The following ASTN2 variants were observed in gnomAD, a reference collection of about 807,000 sequenced individuals.
ASTN2 encodes the protein astrotactin-2.
In ASTN2, 54 loss-of-function variants were observed where a neutral mutation model predicts 139.8. That is an observed-to-expected ratio of 0.39 (90% CI 0.31 to 0.48). The LOEUF is 0.48. Among genes scored for constraint, ASTN2 ranks in the 20% least tolerant of loss-of-function variants. The probability of loss-of-function intolerance (pLI) is 0.95; values close to 1 mark genes in which losing one functional copy is unlikely to be tolerated. For synonymous variants in ASTN2, 756 were observed against 719.5 expected (o/e 1.05, Z -0.81); for missense variants, 1,565 against 1,725.1 (o/e 0.91, Z 1.64).
At chr9:116,796,747 A>G (rs551586499) in intron 13 of ASTN2, among the ~76,000 whole-genome samples, 3 of 152,328 alleles carry the variant, frequency 2.0e-5, no homozygotes, top group Admixed American at 1.3e-4. Flanking sequence ...GATCTATTAC[A>G]TAGTATAGTC....
chr9:116,706,753 G>A lies in ASTN2; in HGVS notation c.2806+19018C>T, dbSNP rs532899188. Among the ~76,000 whole-genome samples, 13 of 142,290 alleles carry A rather than the reference G, an allele frequency of 9.1e-5. No homozygotes were observed. In the South Asian group the frequency reaches 2.4e-3, roughly 26 times the overall value. 93.3% of individuals were successfully genotyped at this position (142,290 alleles called of 152,430 possible). On this transcript the variant is annotated intron_variant, in intron 16 of 22. Transcript: ENST00000313400. ...TTTAGTTTGCTAACTGACTCTTGCT[G>A]GCTAGAATTTTTTTTTTTTTTTTTT...
At chr9:117,365,625 C>T (rs1055022119) in intron 1 of ASTN2, among the ~76,000 whole-genome samples, 2 of 152,170 alleles carry the variant, frequency 1.3e-5, no homozygotes, top group Non-Finnish European at 2.9e-5. Flanking sequence ...GTTATGTGAG[C>T]CATCCCAGTA....
intron 7 of ASTN2, among the ~76,000 whole-genome samples, chr9:117,005,716 C>T (rs957500819): frequency 2.0e-5 from 3 of 151,838 alleles, no homozygotes; most frequent in African/African-American, 7.3e-5. Context: ...TGACCCATAT[C>T]CTATTCCCCA....
At position 116,620,454 on chromosome 9, in the gene ASTN2, A is replaced by G. The variant is rs1856078696; in HGVS notation, c.3073-11T>C. On this transcript the variant is annotated splice_polypyrimidine_tract_variant and intron_variant, in intron 17 of 22. Transcript: ENST00000313400. ...TGCACTCTTGAAGGCCTGGACAAAA[A>G]AAGAGGACAGAATAGACAATGATGA... The G allele has an allele frequency of 6.2e-7, 1 of 1,614,074 alleles. No homozygotes were observed. Among genetic ancestry groups the G allele is most frequent in the African/African-American group, 1.3e-5 (1 of 75,042 alleles).
chr9:116,653,116 G>T (rs1455976119), intron 16 of ASTN2, among the ~76,000 whole-genome samples: 1 of 152,206 alleles, frequency 6.6e-6, no homozygotes, highest in Non-Finnish European at 1.5e-5. Context: ...AGGGGCCATG[G>T]CTCCCATTCC....
intron 17 of ASTN2, among the ~76,000 whole-genome samples, chr9:116,651,212 C>T (rs1857895148): frequency 6.6e-6 from 1 of 151,918 alleles, no homozygotes; most frequent in Admixed American, 6.6e-5. Flanking sequence ...CCACCATGCC[C>T]AGCCTGCACT....
At chr9:117,120,018 G>A (rs4342688) in intron 4 of ASTN2, among the ~76,000 whole-genome samples, 3,566 of 45,656 alleles carry the variant, frequency 0.078, 298 homozygotes, top group East Asian at 0.18. Flanking sequence ...GTGTGTGTGT[G>A]TATATATATA....
Position 116,423,521 on chromosome 9 carries a change from G to A in ASTN2, c.*2330C>T, listed in dbSNP as rs907073021. ...TGGGTCAAGACAATGGAAAGCAACA[G>A]CAACCTGATAGCTCTCTGAAAACTT... On this transcript the variant is annotated 3_prime_UTR_variant, in exon 23 of 23. Coordinates refer to ENST00000313400, the MANE Select transcript of ASTN2 (RefSeq NM_001365068.1). 1.3e-5 allele frequency among the ~76,000 whole-genome samples: 2 copies of A among 152,204 alleles called. No homozygotes were observed. The highest frequency in any genetic ancestry group is 6.5e-5 in the Admixed American group (1 of 15,286).
At chr9:116,736,403 T>C (rs1225672393) in intron 13 of ASTN2, among the ~76,000 whole-genome samples, 1 of 152,188 alleles carries the variant, frequency 6.6e-6, no homozygotes, top group Non-Finnish European at 1.5e-5. Flanking sequence ...TCATGGTAGA[T>C]GTCTTCAAAA....
intron 19 of ASTN2, among the ~76,000 whole-genome samples, chr9:116,540,205 T>C (rs1851820342): frequency 6.6e-6 from 1 of 152,202 alleles, no homozygotes; most frequent in Non-Finnish European, 1.5e-5. Context: ...CTCTGAGATA[T>C]TCTAGTTCTA....
intron 10 of ASTN2, among the ~76,000 whole-genome samples, chr9:116,899,851 T>C (rs1392275205): frequency 1.3e-5 from 2 of 152,074 alleles, no homozygotes; most frequent in South Asian, 2.1e-4. Flanking sequence ...AACCTAAGAT[T>C]GGTATTTGAG....
intron 13 of ASTN2, among the ~76,000 whole-genome samples, chr9:116,761,953 G>T (rs1430087447): frequency 6.6e-6 from 1 of 152,154 alleles, no homozygotes; most frequent in Non-Finnish European, 1.5e-5. Flanking sequence ...ACACTCTGTG[G>T]GTGCTGGCGA....
intron 16 of ASTN2, among the ~76,000 whole-genome samples, chr9:116,655,187 T>G (rs1858140138): frequency 6.6e-6 from 1 of 152,248 alleles, no homozygotes; most frequent in Admixed American, 6.5e-5. Flanking sequence ...GACTGTGTCA[T>G]GCCTAAGTTA....
chr9:117,105,826 A>G (rs372678824), intron 4 of ASTN2, among the ~76,000 whole-genome samples: 2 of 152,196 alleles, frequency 1.3e-5, no homozygotes, highest in South Asian at 4.1e-4. Context: ...CAGATATTGC[A>G]TAACAGATAA....
intron 3 of ASTN2, among the ~76,000 whole-genome samples, chr9:117,167,001 A>ATT (rs1016492213): frequency 4.6e-5 from 7 of 152,132 alleles, no homozygotes; most frequent in Non-Finnish European, 1.0e-4. Flanking sequence ...AAAATTCCCA[A>ATT]TTGCTATTCA....
intron 2 of ASTN2, among the ~76,000 whole-genome samples, chr9:117,242,899 G>A (rs1008340041): frequency 6.6e-6 from 1 of 152,140 alleles, no homozygotes; most frequent in African/African-American, 2.4e-5. Flanking sequence ...CTAAACTATA[G>A]CCTTCCAGTT....
chr9:116,678,873 G>A (rs974182470), intron 16 of ASTN2, among the ~76,000 whole-genome samples: 18 of 152,120 alleles, frequency 1.2e-4, no homozygotes, highest in East Asian at 3.9e-4. Context: ...AATTAAAAAC[G>A]GATATAAAAT....
chr9:116,736,357 G>A (rs1470347648), intron 13 of ASTN2, among the ~76,000 whole-genome samples: 1 of 152,170 alleles, frequency 6.6e-6, no homozygotes, highest in Non-Finnish European at 1.5e-5. Flanking sequence ...AATATTTATT[G>A]TATGCCTGGC....
intron 10 of ASTN2, among the ~76,000 whole-genome samples, chr9:116,874,565 A>T (rs1234218265): frequency 6.6e-6 from 1 of 152,216 alleles, no homozygotes; most frequent in African/African-American, 2.4e-5. Flanking sequence ...AACTCACAGA[A>T]TTGTGGGTCA....
Sources: gnomAD v4.1 joint callset for allele counts (sites outside exome capture counted in the v4.1 genomes callset) on GRCh38, gnomAD v4.1.1 for gene constraint, MANE v1.5 for transcripts, NCBI Gene and HGNC (gene_info 2026-07-23, HGNC 2026-07-21) for gene names.